Variants in LAPTM4B observed in about 807,000 individuals in gnomAD.
LAPTM4B encodes lysosomal-associated transmembrane protein 4B.
A neutral mutation model predicts 28.5 loss-of-function variants in LAPTM4B; 26 were observed. The ratio of observed to expected loss-of-function variants is 0.91; its 90% confidence interval spans 0.67 to 1.27. LAPTM4B has a LOEUF of 1.27. Among genes scored for constraint, LAPTM4B ranks in the 50% most tolerant of loss-of-function variants. The pLI is 0.00. For missense variants in LAPTM4B, 288 were observed against 285.8 expected, an observed-to-expected ratio of 1.01 and a Z score of -0.06; for synonymous variants, 109 against 106.4, an observed-to-expected ratio of 1.02 and a Z score of -0.15.
Position 97,795,837 on chromosome 8 carries a change from T to TAA in LAPTM4B, c.100-9495_100-9494dup, listed in dbSNP as rs1190473113. Among the ~76,000 whole-genome samples the TAA allele has an allele frequency of 3.8e-3, 437 of 114,096 alleles. 6 individuals are homozygous for TAA. The highest frequency in any genetic ancestry group is 0.024 in the East Asian group (81 of 3,400). The allele number at this position is 114,096 out of a possible 152,430, so 74.9% of individuals were successfully genotyped here. On this transcript the variant is annotated intron_variant, in intron 1 of 6. Transcript: ENST00000521545. ...CAGCGACAAAGTGAGACTCTGTCTT[T>TAA]AAAAAAAAAAAAAAAAAAAAAAGAT...
intron 1 of LAPTM4B, among the ~76,000 whole-genome samples, chr8:97,776,643 C>A (rs959166051): frequency 6.6e-6 from 1 of 152,168 alleles, no homozygotes; most frequent in African/African-American, 2.4e-5. Context: ...ACGTTCGGAT[C>A]CCGAGTTGAA....
At chr8:97,820,429 C>G (rs1225649676) in intron 5 of LAPTM4B, among the ~76,000 whole-genome samples, 1 of 150,810 alleles carries the variant, frequency 6.6e-6, no homozygotes, top group Non-Finnish European at 1.5e-5. Context: ...ATTTTTGAAT[C>G]TCAATGCCTT....
intron 5 of LAPTM4B, 111 bp downstream of exon 5, chr8:97,819,349 G>A (rs62524114): frequency 0.47 from 300,879 of 634,118 alleles, 72,609 homozygotes; most frequent in East Asian, 0.55. Context: ...CATCCAAATT[G>A]CTTTTTGATT....
At chr8:97,777,137 G>GTTTTTTTTTTTTTTTTT (rs1176218610) in intron 1 of LAPTM4B, among the ~76,000 whole-genome samples, 4 of 83,838 alleles carry the variant, frequency 4.8e-5, no homozygotes, top group Non-Finnish European at 9.1e-5. Flanking sequence ...TTTCAGTGAG[G>GTTTTTTTTTTTTTTTTT]TTTTTTTTTT....
rs543346824 is a variant in LAPTM4B, at chr8:97,846,152, C to T, written c.604-5245C>T. ...TTACAGGTGTGAGCCACCGCACCAA[C>T]ACAATCATATCTTTTAACGTTTTGT... On this transcript the variant is annotated intron_variant, in intron 6 of 6. Coordinates refer to ENST00000521545, the MANE Select transcript of LAPTM4B (RefSeq NM_018407.6). Among the ~76,000 whole-genome samples the T allele has an allele frequency of 1.5e-4, 23 of 151,410 alleles. 1 individual carries two copies. Among genetic ancestry groups the T allele is most frequent in the African/African-American group, 5.3e-4 (22 of 41,268 alleles).
chr8:97,775,802 A>T lies in LAPTM4B; in HGVS notation c.-208A>T. ...GCCCCCTCCCCGTCCCCGCCGCTGC[A>T]GCGGTCGCCTTCGGAGCGAAGGGTA... On this transcript the variant is annotated 5_prime_UTR_variant, in exon 1 of 7. Transcript: ENST00000521545. The T allele has an allele frequency of 6.4e-7, 1 of 1,574,392 alleles. No individual in the cohort carries two copies. Among genetic ancestry groups the T allele is most frequent in the Non-Finnish European group, 8.6e-7 (1 of 1,167,160 alleles).
intron 1 of LAPTM4B, among the ~76,000 whole-genome samples, chr8:97,803,794 C>T (rs1359909153): frequency 2.0e-5 from 3 of 152,036 alleles, no homozygotes; most frequent in African/African-American, 7.2e-5. Context: ...TACAGGCATG[C>T]ACCACTGTGC....
At chr8:97,793,817 G>A (rs1275941582) in intron 1 of LAPTM4B, among the ~76,000 whole-genome samples, 5 of 152,174 alleles carry the variant, frequency 3.3e-5, no homozygotes, top group Admixed American at 6.6e-5. Context: ...AATGGGACAA[G>A]GGTTAAGAGT....
intron 6 of LAPTM4B, among the ~76,000 whole-genome samples, chr8:97,843,161 G>A (rs974307337): frequency 6.6e-5 from 10 of 152,202 alleles, no homozygotes; most frequent in Non-Finnish European, 1.2e-4. Flanking sequence ...GATTACAGGC[G>A]TGAGCCACCG....
intron 6 of LAPTM4B, among the ~76,000 whole-genome samples, chr8:97,846,848 C>T (rs1356379007): frequency 2.0e-5 from 3 of 152,226 alleles, no homozygotes; most frequent in African/African-American, 2.4e-5. Context: ...GCATGAGCTA[C>T]TGTACCCAGC....
In LAPTM4B at chr8:97,845,891, CCCCTCCCCTCCCCTT is replaced by C. The variant is rs1339445270; in HGVS notation, c.604-5501_604-5487del. Among the ~76,000 whole-genome samples, 32 of 101,400 alleles carry C rather than the reference CCCCTCCCCTCCCCTT, an allele frequency of 3.2e-4. 2 individuals carry two copies. The South Asian group carries it at 0.015, about 47-fold the overall frequency. The allele number at this position is 101,400 out of a possible 152,430, so 66.5% of individuals were successfully genotyped here. A position where few individuals can be genotyped will look rare whatever the true frequency, so the allele number is the denominator to read the frequency against. On this transcript the variant is annotated intron_variant, in intron 6 of 6. Coordinates refer to ENST00000521545, the MANE Select transcript of LAPTM4B (RefSeq NM_018407.6). ...CCACTCCCCTCCCCTCCCCTCCCCT[CCCCTCCCCTCCCCTT>C]CCCTTCGACAGGGTCTTGCTCTGTC...
At chr8:97,844,683 T>C (rs1817402023) in intron 6 of LAPTM4B, among the ~76,000 whole-genome samples, 1 of 152,096 alleles carries the variant, frequency 6.6e-6, no homozygotes, top group African/African-American at 2.4e-5. Flanking sequence ...ATACTGCACG[T>C]GTTCAGGCCC....
chr8:97,826,612 G>A (rs1404370242), intron 6 of LAPTM4B, among the ~76,000 whole-genome samples: 2 of 152,040 alleles, frequency 1.3e-5, no homozygotes, highest in African/African-American at 2.4e-5. Flanking sequence ...GGGTTCAAGT[G>A]ATTCTCCTGC....
At chr8:97,785,635 G>T (rs1272170049) in intron 1 of LAPTM4B, among the ~76,000 whole-genome samples, 15 of 152,180 alleles carry the variant, frequency 9.9e-5, no homozygotes, top group Admixed American at 9.8e-4. Context: ...CATTTTTAAA[G>T]ACTGAAAGGG....
intron 5 of LAPTM4B, among the ~76,000 whole-genome samples, chr8:97,823,344 G>GT (rs10561869): frequency 0.017 from 1,869 of 107,410 alleles, 80 homozygotes; most frequent in African/African-American, 0.049. Context: ...ATACAATATG[G>GT]TTTTTTTTTT....
chr8:97,834,021 A>C (rs1817223120), intron 6 of LAPTM4B, among the ~76,000 whole-genome samples: 1 of 152,044 alleles, frequency 6.6e-6, no homozygotes, highest in South Asian at 2.1e-4. Flanking sequence ...GTTTTAAAGT[A>C]ATAAATGAAC....
At chr8:97,783,032 C>G (rs1816346960) in intron 1 of LAPTM4B, among the ~76,000 whole-genome samples, 1 of 148,610 alleles carries the variant, frequency 6.7e-6, no homozygotes, top group Non-Finnish European at 1.5e-5. Context: ...CTTGGCCTCC[C>G]AAAGTGTTGG....
chr8:97,833,980 T>G (rs1386500329), intron 6 of LAPTM4B, among the ~76,000 whole-genome samples: 3 of 151,864 alleles, frequency 2.0e-5, no homozygotes, highest in African/African-American at 7.3e-5. Flanking sequence ...ATGAACTCAT[T>G]CCTCATTCTC....
At chr8:97,851,315 A>G in intron 6 of LAPTM4B, 82 bp from the exon 7 acceptor site, 3 of 1,116,088 alleles carry the variant, frequency 2.7e-6, no homozygotes, top group Non-Finnish European at 4.1e-6. Flanking sequence ...GTTTAGTTGC[A>G]TAAAAGTTCA....
Sources: allele counts gnomAD v4.1 joint callset (sites outside exome capture counted in the v4.1 genomes callset), GRCh38; gene constraint gnomAD v4.1.1; transcripts MANE v1.5; gene names NCBI Gene and HGNC (gene_info 2026-07-23, HGNC 2026-07-21).